The following MAN2A1 variants were observed in gnomAD, a reference collection of about 807,000 sequenced individuals.
MAN2A1 encodes alpha-mannosidase 2.
MAN2A1 carries 76 observed loss-of-function variants against 142.6 expected under a neutral mutation model. That is an observed-to-expected ratio of 0.53 (90% CI 0.44 to 0.65). The LOEUF (loss-of-function observed/expected upper bound fraction) is 0.65. Ranked by LOEUF, MAN2A1 falls within the 30% of genes least tolerant of loss-of-function variation. The pLI, the probability that MAN2A1 is intolerant of heterozygous loss-of-function variation, is 0.00. For synonymous variants in MAN2A1, 559 were observed against 473.2 expected (o/e 1.18, Z -2.35); for missense variants, 1,311 against 1,365.1 (o/e 0.96, Z 0.62).
Position 109,867,022 on chromosome 5 carries a change from A to G in MAN2A1, c.*24A>G, listed in dbSNP as rs113591408. ...GAACCTGACTTTCACATTTGGATTG[A>G]GAATCATTGGCTTTTATACCTTTCT... On this transcript the variant is annotated 3_prime_UTR_variant, in exon 22 of 22. Coordinates refer to ENST00000261483, the MANE Select transcript of MAN2A1 (RefSeq NM_002372.4). The G allele has an allele frequency of 1.2e-3, 1,861 of 1,601,176 alleles. 20 individuals carry two copies. In the African/African-American group the frequency reaches 0.021, roughly 18 times the overall value.
chr5:109,728,598 T>C (rs1005665), intron 3 of MAN2A1, among the ~76,000 whole-genome samples: 74,780 of 151,968 alleles, frequency 0.49, 19,344 homozygotes, highest in African/African-American at 0.65. Flanking sequence ...GCAACTATCT[T>C]TAGATAAAAT....
At chr5:109,713,219 A>G (rs1416741312) in intron 1 of MAN2A1, among the ~76,000 whole-genome samples, 1 of 152,204 alleles carries the variant, frequency 6.6e-6, no homozygotes, top group Non-Finnish European at 1.5e-5. Context: ...ACCCAAAGAT[A>G]TTTTAGGACT....
intron 7 of MAN2A1, 63 bp from the exon 8 acceptor site, chr5:109,774,725 C>G: frequency 8.2e-7 from 1 of 1,215,848 alleles, no homozygotes. Context: ...AATCAATTGT[C>G]ACATTCACTT....
intron 12 of MAN2A1, among the ~76,000 whole-genome samples, chr5:109,815,311 CAA>C (rs1754424792): frequency 6.6e-6 from 1 of 152,248 alleles, no homozygotes; most frequent in Admixed American, 6.5e-5. Context: ...GTATACCTCT[CAA>C]GAGGGCATCA....
rs776568750 is a variant in MAN2A1, at chr5:109,781,606, T to C, written c.1577+8T>C. The C allele has an allele frequency of 3.1e-5, 48 of 1,556,752 alleles. No homozygotes were observed. Among genetic ancestry groups the C allele is most frequent in the Non-Finnish European group, 3.6e-5 (41 of 1,149,304 alleles). On this transcript the variant is annotated splice_region_variant and intron_variant, in intron 9 of 21. Transcript: ENST00000261483. ...CATGGAATCTCATTTAAGGTACTTT[T>C]ACCTTTCTATAGCTACATGTATTTT...
chr5:109,851,724 G>A (rs973192355), intron 19 of MAN2A1, among the ~76,000 whole-genome samples: 2 of 152,038 alleles, frequency 1.3e-5, no homozygotes, highest in Non-Finnish European at 2.9e-5. Context: ...TTTCTTTGAC[G>A]GTTTATCCTT....
At chr5:109,700,310 A>G (rs1750941097) in intron 1 of MAN2A1, among the ~76,000 whole-genome samples, 3 of 146,072 alleles carry the variant, frequency 2.1e-5, no homozygotes, top group Non-Finnish European at 1.5e-5. Flanking sequence ...GTCGTTCACA[A>G]TTACTGTTTC....
chr5:109,691,347 C>T (rs1750666472), intron 1 of MAN2A1, among the ~76,000 whole-genome samples: 1 of 152,166 alleles, frequency 6.6e-6, no homozygotes, highest in African/African-American at 2.4e-5. Context: ...GCGGCATGTG[C>T]GAGTTCAGTT....
chr5:109,855,431 A>C lies in MAN2A1; in HGVS notation c.3171+97A>C. ...AGAAAAAAATAATGTATGCTTTACTATGCTTTGAGGAATTATTAACAGGGC... is the reference window on the plus strand; with the variant it reads ...AGAAAAAAATAATGTATGCTTTACTCTGCTTTGAGGAATTATTAACAGGGC... On this transcript the variant is annotated intron_variant, in intron 20 of 21. Transcript: ENST00000261483. 4.1e-6 allele frequency: 3 copies of C among 733,894 alleles called. No homozygotes were observed. In the South Asian group the frequency reaches 8.8e-5, roughly 21 times the overall value. 45.5% of individuals were successfully genotyped at this position (733,894 alleles called of 1,614,324 possible). A position where few individuals can be genotyped will look rare whatever the true frequency, so the allele number is the denominator to read the frequency against.
At chr5:109,824,832 TTTTA>T (rs1248345792) in intron 16 of MAN2A1, among the ~76,000 whole-genome samples, 1 of 152,312 alleles carries the variant, frequency 6.6e-6, no homozygotes, top group South Asian at 2.1e-4. Flanking sequence ...TTAATTTTGC[TTTTA>T]TTTAACTTTT....
intron 19 of MAN2A1, among the ~76,000 whole-genome samples, chr5:109,851,818 A>G (rs1207663866): frequency 6.6e-6 from 1 of 152,144 alleles, no homozygotes; most frequent in African/African-American, 2.4e-5. Flanking sequence ...GTGTTGTTGT[A>G]CCTTTAAATA....
chr5:109,730,797 G>A (rs866465087), intron 4 of MAN2A1, among the ~76,000 whole-genome samples: 44 of 152,256 alleles, frequency 2.9e-4, no homozygotes, highest in African/African-American at 9.9e-4. Context: ...AGTCGTCCAG[G>A]ATCACAGGGC....
Position 109,770,364 on chromosome 5 carries a change from C to G in MAN2A1, c.1019C>G (p.Ser340Cys). ...TGGCTCTTTATTTTAGATCTGGGAT[C>G]TGTCACAGATATTTTATGCCACATG... ...FFWRQNWDLG[S>C]VTDILCHMMP... is the part of the protein sequence containing the mutation. Residue 340 changes from serine (S) to cysteine (C), a missense_variant, in exon 7 of 22, where the codon TCT becomes TGT. Ser to Cys is a moderately radical substitution (Grantham distance 112). Transcript: ENST00000261483. 1.2e-6 allele frequency: 2 copies of G among 1,611,470 alleles called. No individual in the cohort carries two copies. Among genetic ancestry groups the G allele is most frequent in the Non-Finnish European group, 1.7e-6 (2 of 1,178,504 alleles).
chr5:109,812,473 C>T (rs6887270), intron 12 of MAN2A1, among the ~76,000 whole-genome samples: 111,548 of 152,100 alleles, frequency 0.73, 41,993 homozygotes, highest in East Asian at 0.94. Context: ...ATTGCAACTT[C>T]TGTTAACATG....
chr5:109,788,905 C>A, intron 10 of MAN2A1, 29 bp from the exon 11 acceptor site: 1 of 1,023,364 alleles, frequency 9.8e-7, no homozygotes, highest in Non-Finnish European at 1.5e-6. Flanking sequence ...TAAATTGTTT[C>A]TCAGACTAAT....
At chr5:109,767,498 A>C (rs1271824713) in intron 5 of MAN2A1, 37 bp from the exon 6 acceptor site, 1 of 1,557,530 alleles carries the variant, frequency 6.4e-7, no homozygotes, top group Non-Finnish European at 8.8e-7. Context: ...TTCATATATC[A>C]ATTAAAAAAA....
At chr5:109,835,101 A>G (rs1300408627) in intron 16 of MAN2A1, among the ~76,000 whole-genome samples, 1 of 152,034 alleles carries the variant, frequency 6.6e-6, no homozygotes, top group East Asian at 1.9e-4. Context: ...GTATATGTTA[A>G]TTAATAACCA....
chr5:109,792,315 T>G (rs1290599376), intron 12 of MAN2A1, among the ~76,000 whole-genome samples: 1 of 152,068 alleles, frequency 6.6e-6, no homozygotes, highest in African/African-American at 2.4e-5. Flanking sequence ...TGGAGAGTCT[T>G]TTTTTTCTCA....
intron 1 of MAN2A1, among the ~76,000 whole-genome samples, chr5:109,711,964 T>A (rs569144916): frequency 6.6e-6 from 1 of 152,304 alleles, no homozygotes; most frequent in Admixed American, 6.5e-5. Flanking sequence ...AGAGCATCTT[T>A]CAGGTCTGAG....
Sources: gnomAD v4.1 joint callset for allele counts (sites outside exome capture counted in the v4.1 genomes callset) on GRCh38, gnomAD v4.1.1 for gene constraint, MANE v1.5 for transcripts, NCBI Gene and HGNC (gene_info 2026-07-23, HGNC 2026-07-21) for gene names.